The following CFAP77 variants were observed in gnomAD, a reference collection of about 807,000 sequenced individuals.
The protein encoded by CFAP77 is cilia and flagella associated protein 77.
CFAP77 carries 25 observed loss-of-function variants against 31.1 expected under a neutral mutation model. The observed-to-expected ratio is 0.80, with a 90% confidence interval of 0.59 to 1.12. The LOEUF is 1.12. Among genes scored for constraint, CFAP77 ranks in the 50% most tolerant of loss-of-function variants. CFAP77 has a pLI of 0.00. For synonymous variants in CFAP77, 151 were observed against 159.9 expected (o/e 0.94, Z 0.42); for missense variants, 377 against 397.3 (o/e 0.95, Z 0.44).
chr9:132,525,942 T>C (rs1003433424), intron 3 of CFAP77, among the ~76,000 whole-genome samples: 3 of 152,240 alleles, frequency 2.0e-5, no homozygotes, highest in Non-Finnish European at 4.4e-5. Context: ...ATGGATGGAA[T>C]TGGATGTTCT....
chr9:132,549,168 G>A (rs1852782877), intron 5 of CFAP77, among the ~76,000 whole-genome samples: 2 of 152,084 alleles, frequency 1.3e-5, no homozygotes, highest in African/African-American at 4.8e-5. Context: ...CCCCCCAAGC[G>A]GGCTTCTAGC....
chr9:132,432,644 G>A (rs1004306732), intron 1 of CFAP77, among the ~76,000 whole-genome samples: 6 of 151,616 alleles, frequency 4.0e-5, no homozygotes, highest in Non-Finnish European at 7.4e-5. Context: ...CAATTCTCCT[G>A]CCTCAGCCAC....
chr9:132,415,989 G>A (rs1308916127), intron 1 of CFAP77, among the ~76,000 whole-genome samples: 1 of 152,168 alleles, frequency 6.6e-6, no homozygotes, highest in African/African-American at 2.4e-5. Flanking sequence ...GCTATGCTTG[G>A]AGTTTCCTAG....
intron 1 of CFAP77, among the ~76,000 whole-genome samples, chr9:132,412,668 T>C (rs1425372896): frequency 6.6e-6 from 1 of 152,118 alleles, no homozygotes; most frequent in African/African-American, 2.4e-5. Flanking sequence ...TGGCAGAGAT[T>C]GGGTTTGCAG....
Position 132,497,317 on chromosome 9 carries a change from A to G in CFAP77, c.196-1378A>G, listed in dbSNP as rs755709579. ...AGCACCCAGCCTGTGGGAGCTGGAG[A>G]GAGGGGGATATAGACGAGATGGCAG... On this transcript the variant is annotated intron_variant, in intron 1 of 5. Coordinates refer to ENST00000393216, the MANE Select transcript of CFAP77 (RefSeq NM_001282957.2). The surrounding 1 kb of genome is among the most constrained non-coding windows in gnomAD (Gnocchi z 4.9). 1.3e-5 allele frequency among the ~76,000 whole-genome samples: 2 copies of G among 152,016 alleles called. No homozygotes were observed. Among genetic ancestry groups the G allele is most frequent in the African/African-American group, 2.4e-5 (1 of 41,344 alleles).
rs192781680 is a variant in CFAP77 at position 132,428,275 on chromosome 9, G to A, written c.195+17809G>A. Among the ~76,000 whole-genome samples the A allele has an allele frequency of 2.1e-3, 323 of 151,722 alleles. 1 individual carries two copies. Among genetic ancestry groups the A allele is most frequent in the Non-Finnish European group, 3.0e-3 (202 of 67,950 alleles). ...TCCTCCTGCATTGGCCTCTCAAAGC[G>A]CTGGGATTACAGGTGTGAGCCACTG... is the stretch of plus-strand genomic sequence containing the variant. On this transcript the variant is annotated intron_variant, in intron 1 of 5. Coordinates refer to ENST00000393216, the MANE Select transcript of CFAP77 (RefSeq NM_001282957.2).
At chr9:132,505,056 T>C (rs1851909993) in intron 3 of CFAP77, among the ~76,000 whole-genome samples, 1 of 152,246 alleles carries the variant, frequency 6.6e-6, no homozygotes, top group Non-Finnish European at 1.5e-5. Context: ...GAGTGTTATT[T>C]ACTCACAATT....
chr9:132,447,221 A>G (rs189131500), intron 1 of CFAP77, among the ~76,000 whole-genome samples: 1 of 152,322 alleles, frequency 6.6e-6, no homozygotes, highest in African/African-American at 2.4e-5. Context: ...CCCCCTTAAA[A>G]TCAACTAATG....
intron 4 of CFAP77, among the ~76,000 whole-genome samples, chr9:132,538,224 C>A (rs185663197): frequency 2.0e-5 from 3 of 152,344 alleles, no homozygotes; most frequent in Admixed American, 1.3e-4. Context: ...ATTCCAAACA[C>A]CTCCCGTGCA....
chr9:132,514,618 GC>G lies in CFAP77; in HGVS notation c.524+15020del, dbSNP rs368921957. Among the ~76,000 whole-genome samples, 281 of 152,274 alleles carry G rather than the reference GC, an allele frequency of 1.8e-3. 2 individuals are homozygous for G. The highest frequency in any genetic ancestry group is 6.3e-3 in the African/African-American group (263 of 41,564). On this transcript the variant is annotated intron_variant, in intron 3 of 5. Coordinates refer to ENST00000393216, the MANE Select transcript of CFAP77 (RefSeq NM_001282957.2). ...CTTGCCGCCTGCTGCCTGCACCGGT[GC>G]CGGAACTGCTAATTGAATTCATCCT...
At position 132,537,686 on chromosome 9, in the gene CFAP77, A is replaced by C. The variant is rs773513334; in HGVS notation, c.610A>C (p.Lys204Gln). 6 of 1,613,416 alleles carry C rather than the reference A, an allele frequency of 3.7e-6. No individual in the cohort carries two copies. In the South Asian group the frequency reaches 6.6e-5, roughly 18 times the overall value. ...ACAAAAGGCCACCCAGAAAGCCATC[A>C]AACTGGAGAAGAAGCAGAAGGTAAA... The part of the protein sequence containing the change: ...QEQKATQKAI[K>Q]LEKKQKVVLG... Residue 204 changes from lysine to glutamine, a missense_variant, in exon 4 of 6, where the codon AAA (lysine) becomes CAA (glutamine). Lys to Gln is a moderately conservative substitution (Grantham distance 53). Coordinates refer to ENST00000393216, the MANE Select transcript of CFAP77 (RefSeq NM_001282957.2).
intron 1 of CFAP77, among the ~76,000 whole-genome samples, chr9:132,461,635 G>A (rs1851051498): frequency 6.6e-6 from 1 of 152,202 alleles, no homozygotes; most frequent in African/African-American, 2.4e-5. Context: ...GACGGCCAAG[G>A]GAAGACTGCG....
chr9:132,426,739 C>T (rs1013947182), intron 1 of CFAP77, among the ~76,000 whole-genome samples: 1 of 152,224 alleles, frequency 6.6e-6, no homozygotes, highest in African/African-American at 2.4e-5. Context: ...AAGACTCTCT[C>T]ACCCTCTGTG....
rs1287568196 is a variant in CFAP77, at chr9:132,499,911, G to A, written c.524+311G>A. Among the ~76,000 whole-genome samples the A allele has an allele frequency of 2.6e-5, 4 of 152,148 alleles. No homozygotes were observed. The highest frequency in any genetic ancestry group is 9.7e-5 in the African/African-American group (4 of 41,438). ...CATCTCTGTAATCCTAGCACTTTGG[G>A]AGGCCCATGTAGGAGGATCGCTTGA... is the stretch of plus-strand genomic sequence containing the variant. On this transcript the variant is annotated intron_variant, in intron 3 of 5. Transcript: ENST00000393216. This position sits in a 1 kb window ranked among gnomAD's most constrained non-coding sequence, Gnocchi z 5.4.
Position 132,498,605 on chromosome 9 carries a change from AG to A in CFAP77, c.196-88del. 1.0e-6 allele frequency: 1 copy of A among 957,776 alleles called. No homozygotes were observed. 59.3% of individuals were successfully genotyped at this position (957,776 alleles called of 1,614,324 possible). On this transcript the variant is annotated intron_variant, in intron 1 of 5. Transcript: ENST00000393216. The surrounding 1 kb of genome is among the most constrained non-coding windows in gnomAD (Gnocchi z 4.2). ...CCACGGCAGGGCCTGGGGGAAATGC[AG>A]GCATCTGGTGCCTCCCTGCTGCCGG...
At chr9:132,508,207 C>T (rs1851969097) in intron 3 of CFAP77, among the ~76,000 whole-genome samples, 1 of 152,154 alleles carries the variant, frequency 6.6e-6, no homozygotes, top group Non-Finnish European at 1.5e-5. Flanking sequence ...GTGATCCCCG[C>T]CCCCCGCGCC....
chr9:132,485,614 C>T (rs930337150), intron 1 of CFAP77, among the ~76,000 whole-genome samples: 12 of 152,124 alleles, frequency 7.9e-5, no homozygotes, highest in African/African-American at 2.4e-4. Context: ...CTGTGAGCAG[C>T]GGGAGCTGGC....
intron 1 of CFAP77, among the ~76,000 whole-genome samples, chr9:132,432,665 G>A (rs900927431): frequency 1.3e-5 from 2 of 151,768 alleles, no homozygotes; most frequent in Non-Finnish European, 2.9e-5. Flanking sequence ...CTGAGTAGCT[G>A]GGACTATAGG....
At chr9:132,556,175 T>C (rs141876877) in intron 5 of CFAP77, among the ~76,000 whole-genome samples, 21 of 152,256 alleles carry the variant, frequency 1.4e-4, no homozygotes, top group African/African-American at 4.6e-4. Context: ...CCCAGATCTC[T>C]AGGGGCCGTC....
Sources: gnomAD v4.1 joint callset for allele counts (sites outside exome capture counted in the v4.1 genomes callset) on GRCh38, gnomAD v4.1.1 for gene constraint, Gnocchi (gnomAD v3.1) non-coding constraint, MANE v1.5 for transcripts, NCBI Gene and HGNC (gene_info 2026-07-23, HGNC 2026-07-21) for gene names.